The following PDE7B variants were observed in gnomAD, a reference collection of about 807,000 sequenced individuals.
The protein encoded by PDE7B is 3',5'-cyclic-AMP phosphodiesterase 7B.
In PDE7B, 29 loss-of-function variants were observed where a neutral mutation model predicts 56.2. The observed-to-expected ratio is 0.52, with a 90% CI of 0.38 to 0.70. The LOEUF (loss-of-function observed/expected upper bound fraction) is 0.70. Among genes scored for constraint, PDE7B ranks in the 30% least tolerant of loss-of-function variants. PDE7B has a pLI of 0.00. For missense variants in PDE7B, 490 were observed against 565.0 expected, an observed-to-expected ratio of 0.87 and a Z score of 1.35; for synonymous variants, 197 against 196.9, an observed-to-expected ratio of 1.00 and a Z score of 0.00.
chr6:136,002,625 G>A (rs928775681), intron 2 of PDE7B, among the ~76,000 whole-genome samples: 4 of 152,154 alleles, frequency 2.6e-5, no homozygotes, highest in Non-Finnish European at 5.9e-5. Flanking sequence ...TAATGGTAAA[G>A]GGATCAATTC....
intron 9 of PDE7B, 144 bp downstream of exon 9, chr6:136,174,032 G>A (rs1778937126): frequency 6.3e-6 from 4 of 635,210 alleles, no homozygotes; most frequent in African/African-American, 1.8e-5. Context: ...TCTATCAGAG[G>A]AGATTTGGTG....
intron 2 of PDE7B, among the ~76,000 whole-genome samples, chr6:136,078,946 C>G (rs1238359865): frequency 6.6e-6 from 1 of 152,116 alleles, no homozygotes; most frequent in Non-Finnish European, 1.5e-5. Flanking sequence ...CCAGACAGCT[C>G]TGTATGGCCA....
intron 1 of PDE7B, among the ~76,000 whole-genome samples, chr6:135,886,428 A>G (rs776532665): frequency 6.6e-6 from 1 of 151,640 alleles, no homozygotes; most frequent in Non-Finnish European, 1.5e-5. Flanking sequence ...GGTTACATGG[A>G]TAAGTTCTTT....
At chr6:135,950,885 A>G (rs1005821536) in intron 2 of PDE7B, among the ~76,000 whole-genome samples, 1 of 152,188 alleles carries the variant, frequency 6.6e-6, no homozygotes, top group East Asian at 1.9e-4. Context: ...CCGTTAAATG[A>G]GACATAAGTG....
At chr6:135,854,068 C>A (rs1218878113) in intron 1 of PDE7B, among the ~76,000 whole-genome samples, 1 of 152,102 alleles carries the variant, frequency 6.6e-6, no homozygotes, top group African/African-American at 2.4e-5. Context: ...TATTTTCAGC[C>A]TAAGGACATC....
rs369655403 is a variant in PDE7B, at chr6:135,933,922, C to T, written c.22-13542C>T. On this transcript the variant is annotated intron_variant, in intron 1 of 12. Transcript: ENST00000308191. ...TTAGGATCTAAGAGGACCAAATATGCCCCTGGTCAGTCTTTAATAATTTAA... is the reference window on the plus strand; with the variant it reads ...TTAGGATCTAAGAGGACCAAATATGTCCCTGGTCAGTCTTTAATAATTTAA... Among the ~76,000 whole-genome samples, 20 of 152,232 alleles carry T rather than the reference C, an allele frequency of 1.3e-4. No individual in the cohort carries two copies. In the East Asian group the frequency reaches 3.3e-3, roughly 25 times the overall value.
At position 135,934,755 on chromosome 6, in the gene PDE7B, T is replaced by TA. The variant is rs1472179860; in HGVS notation, c.22-12709_22-12708insA. The stretch of plus-strand genomic sequence containing the variant: ...AAAAAAAAAAATATATATATATATA[T>TA]TTTTTAAATATATATATATATTTAT... On this transcript the variant is annotated intron_variant, in intron 1 of 12. Coordinates refer to ENST00000308191, the MANE Select transcript of PDE7B (RefSeq NM_018945.4). Among the ~76,000 whole-genome samples the TA allele has an allele frequency of 4.3e-3, 495 of 115,604 alleles. 7 individuals are homozygous for TA. The highest frequency in any genetic ancestry group is 0.016 in the African/African-American group (468 of 29,340). The allele number at this position is 115,604 out of a possible 152,430, so 75.8% of individuals were successfully genotyped here. A position where few individuals can be genotyped will look rare whatever the true frequency, so the allele number is the denominator to read the frequency against.
At chr6:136,060,199 AT>A (rs1776813712) in intron 2 of PDE7B, among the ~76,000 whole-genome samples, 1 of 152,286 alleles carries the variant, frequency 6.6e-6, no homozygotes, top group East Asian at 1.9e-4. Context: ...TTTTTCCTGA[AT>A]AAGGATGATT....
rs761566466 is a variant in PDE7B at position 136,187,027 on chromosome 6, T to C, written c.1046-9T>C. On this transcript the variant is annotated splice_polypyrimidine_tract_variant and intron_variant, in intron 11 of 12. Transcript: ENST00000308191. ...CAATGTGTTTTTTTCTTTCTTTCTTTCTTCTTAGGTGAACTTGAACAGAAA... is the reference window on the plus strand; with the variant it reads ...CAATGTGTTTTTTTCTTTCTTTCTTCCTTCTTAGGTGAACTTGAACAGAAA... 14 of 1,453,148 alleles carry C rather than the reference T, an allele frequency of 9.6e-6. No homozygotes were observed. Among genetic ancestry groups the C allele is most frequent in the Non-Finnish European group, 1.3e-5 (13 of 1,038,820 alleles). The allele number at this position is 1,453,148 out of a possible 1,614,324, so 90.0% of individuals were successfully genotyped here.
intron 2 of PDE7B, among the ~76,000 whole-genome samples, chr6:136,022,220 TATTA>T (rs1776084726): frequency 6.6e-6 from 1 of 152,232 alleles, no homozygotes; most frequent in African/African-American, 2.4e-5. Context: ...TTTTGTTAAT[TATTA>T]ATTAAATTTT....
chr6:135,904,576 A>G (rs932318261), intron 1 of PDE7B, among the ~76,000 whole-genome samples: 12 of 152,344 alleles, frequency 7.9e-5, no homozygotes, highest in African/African-American at 2.9e-4. Context: ...GGGGGTCTCA[A>G]TAAATTCTCT....
intron 2 of PDE7B, chr6:136,071,151 C>T (rs1777044261): frequency 6.6e-6 from 1 of 152,130 alleles, no homozygotes; most frequent in African/African-American, 2.4e-5. Flanking sequence ...AACCTTCGAC[C>T]CACTCTTGAC....
At chr6:135,948,394 GA>G (rs1562449357) in intron 2 of PDE7B, among the ~76,000 whole-genome samples, 1 of 151,720 alleles carries the variant, frequency 6.6e-6, no homozygotes. Context: ...AATAAGCAAA[GA>G]AAAAAATTAT....
chr6:135,867,626 C>T (rs1775289361), intron 1 of PDE7B, among the ~76,000 whole-genome samples: 1 of 152,090 alleles, frequency 6.6e-6, no homozygotes, highest in Non-Finnish European at 1.5e-5. Flanking sequence ...CTGTTCCCCT[C>T]TTAAATGGTA....
intron 12 of PDE7B, among the ~76,000 whole-genome samples, chr6:136,189,999 G>A (rs992492672): frequency 1.3e-5 from 2 of 151,878 alleles, no homozygotes; most frequent in Non-Finnish European, 2.9e-5. Flanking sequence ...TCTTTTTTTC[G>A]AGTTGGATTT....
At chr6:135,986,851 A>G (rs1775384733) in intron 2 of PDE7B, among the ~76,000 whole-genome samples, 1 of 152,204 alleles carries the variant, frequency 6.6e-6, no homozygotes, top group Non-Finnish European at 1.5e-5. Flanking sequence ...ATGTTTTGAG[A>G]AGAGACTGAA....
At chr6:135,886,641 C>T (rs1277913550) in intron 1 of PDE7B, among the ~76,000 whole-genome samples, 1 of 152,116 alleles carries the variant, frequency 6.6e-6, no homozygotes, top group East Asian at 1.9e-4. Context: ...CATTCCTGAG[C>T]TACTTCACTT....
At chr6:136,144,367 A>G (rs1778379167) in intron 3 of PDE7B, among the ~76,000 whole-genome samples, 1 of 152,102 alleles carries the variant, frequency 6.6e-6, no homozygotes, top group Non-Finnish European at 1.5e-5. Context: ...TTTATTGTAC[A>G]TATGCTACTT....
chr6:136,088,506 T>C (rs911206277), intron 2 of PDE7B, among the ~76,000 whole-genome samples: 1 of 152,184 alleles, frequency 6.6e-6, no homozygotes, highest in East Asian at 1.9e-4. Context: ...CTTCAAACTT[T>C]TGAAGACAGC....
Sources: gnomAD v4.1 joint callset for allele counts (sites outside exome capture counted in the v4.1 genomes callset) on GRCh38, gnomAD v4.1.1 for gene constraint, MANE v1.5 for transcripts, NCBI Gene and HGNC (gene_info 2026-07-23, HGNC 2026-07-21) for gene names.